The following USP20 variants were observed in gnomAD, a reference collection of about 807,000 sequenced individuals.
USP20 encodes the protein ubiquitin carboxyl-terminal hydrolase 20.
USP20 carries 80 observed loss-of-function variants against 124.2 expected under a neutral mutation model. That is an observed-to-expected ratio of 0.64 (90% confidence interval 0.54 to 0.78). The LOEUF (loss-of-function observed/expected upper bound fraction) is 0.78, where lower values mean the gene tolerates loss of function less well. Among genes scored for constraint, USP20 ranks in the 30% least tolerant of loss-of-function variants. The pLI, the probability that USP20 is intolerant of heterozygous loss-of-function variation, is 0.00. For missense variants in USP20, 1,043 were observed against 1,244.4 expected, an observed-to-expected ratio of 0.84 and a Z score of 2.44; for synonymous variants, 481 against 512.3, an observed-to-expected ratio of 0.94 and a Z score of 0.83.
intron 15 of USP20, among the ~76,000 whole-genome samples, chr9:129,871,922 G>T (rs539536511): frequency 1.3e-4 from 20 of 152,070 alleles, no homozygotes; most frequent in Non-Finnish European, 2.4e-4. Flanking sequence ...CACCATGTTG[G>T]CCAGGCTGGT....
In USP20 at chr9:129,839,083, G is replaced by C. The variant is rs927955417; in HGVS notation, c.-129+3584G>C. Reference sequence around the variant, plus strand: ...TCGTCCCCATGCCAGGCTGGCCGGGGCTGTTTGTGACATCGTGGAGCTGAG... The same window carrying C: ...TCGTCCCCATGCCAGGCTGGCCGGGCCTGTTTGTGACATCGTGGAGCTGAG... On this transcript the variant is annotated intron_variant, in intron 1 of 25. Transcript: ENST00000372429. This position sits in a 1 kb window ranked among gnomAD's most constrained non-coding sequence, Gnocchi z 4.5. Among the ~76,000 whole-genome samples, 2 of 152,192 alleles carry C rather than the reference G, an allele frequency of 1.3e-5. No individual in the cohort carries two copies. The highest frequency in any genetic ancestry group is 4.8e-5 in the African/African-American group (2 of 41,442).
intron 1 of USP20, among the ~76,000 whole-genome samples, chr9:129,840,086 G>A (rs566456056): frequency 1.3e-5 from 2 of 152,000 alleles, no homozygotes; most frequent in East Asian, 1.9e-4. Context: ...CTGGTGGGCC[G>A]GGAGGGCGGG....
chr9:129,865,614 G>C (rs1047584711), intron 10 of USP20, among the ~76,000 whole-genome samples: 1 of 152,184 alleles, frequency 6.6e-6, no homozygotes, highest in Non-Finnish European at 1.5e-5. Flanking sequence ...TTCAGGGGCC[G>C]AGCCACTTGC....
rs1308424552 is a variant in USP20, at chr9:129,858,234, G to A, written c.198+122G>A. ...CAATAAATGGTGTCATCCTAGCATA[G>A]CTTCTGCAAAGAAGCAAGAGAGAAT... On this transcript the variant is annotated intron_variant, in intron 5 of 25. Transcript: ENST00000372429. 1.2e-5 allele frequency: 15 copies of A among 1,204,704 alleles called. No individual in the cohort carries two copies. The South Asian group carries it at 1.7e-4, about 14-fold the overall frequency. The allele number at this position is 1,204,704 out of a possible 1,614,324, so 74.6% of individuals were successfully genotyped here.
chr9:129,873,865 G>T, intron 17 of USP20, 121 bp downstream of exon 17: 1 of 1,246,636 alleles, frequency 8.0e-7, no homozygotes, highest in African/African-American at 1.5e-5. Flanking sequence ...GGGCCGTGGA[G>T]ACTCCATAGC....
chr9:129,880,249 C>T lies in USP20; in HGVS notation c.2721C>T (p.Ile907=), dbSNP rs61999273. 2,334 of 1,609,148 alleles carry T rather than the reference C, an allele frequency of 1.5e-3. 29 individuals carry two copies. The African/African-American group carries it at 0.027, about 19-fold the overall frequency. ...AGAACCTGCACGGGGAGCAGAAGATCGAAGCCGAGACGCGGGCCGTGTGAT... is the reference window on the plus strand; with the variant it reads ...AGAACCTGCACGGGGAGCAGAAGATTGAAGCCGAGACGCGGGCCGTGTGAT... ...GPENLHGEQK[I]EAETRAV is the part of the protein sequence containing the mutation. The change falls in exon 25 of 26, where the codon ATC becomes ATT. Residue 907 remains isoleucine, a synonymous_variant. Transcript: ENST00000372429.
intron 15 of USP20, among the ~76,000 whole-genome samples, chr9:129,873,248 T>G (rs112827210): frequency 0.016 from 2,471 of 151,972 alleles, 27 homozygotes; most frequent in Non-Finnish European, 0.026. Flanking sequence ...CACGTCCAGC[T>G]AATTTTTGTA....
chr9:129,869,551 C>A, intron 13 of USP20, 121 bp from the exon 14 acceptor site: 1 of 1,527,350 alleles, frequency 6.5e-7, no homozygotes, highest in South Asian at 1.2e-5. Context: ...GAGGGCCCTG[C>A]CTGCGTGGAT....
intron 6 of USP20, among the ~76,000 whole-genome samples, chr9:129,860,059 G>A (rs770853926): frequency 3.3e-5 from 5 of 151,514 alleles, no homozygotes; most frequent in Admixed American, 6.6e-5. Flanking sequence ...GCCCAGGCGC[G>A]GTGGCTCATT....
chr9:129,851,421 C>G (rs148565305), intron 2 of USP20, among the ~76,000 whole-genome samples: 6 of 152,182 alleles, frequency 3.9e-5, no homozygotes, highest in Non-Finnish European at 8.8e-5. Context: ...AGCATCCCAG[C>G]TAATAATACA....
rs904357289 is a variant in USP20, at chr9:129,849,857, G to C, written c.-84G>C. ...CACTCACTCCAGACCCCTATAGCCC[G>C]TCGCTGTCAGCTGTCAACAAAGGAT... is the stretch of plus-strand genomic sequence containing the variant. On this transcript the variant is annotated 5_prime_UTR_variant, in exon 2 of 26. Coordinates refer to ENST00000372429, the MANE Select transcript of USP20 (RefSeq NM_001110303.4). 1 of 152,236 alleles carries C rather than the reference G, an allele frequency of 6.6e-6. No individual in the cohort carries two copies. Among genetic ancestry groups the C allele is most frequent in the Admixed American group, 6.5e-5 (1 of 15,280 alleles). The allele number at this position is 152,236 out of a possible 1,614,324, so 9.4% of individuals were successfully genotyped here. A position where few individuals can be genotyped will look rare whatever the true frequency, so the allele number is the denominator to read the frequency against.
chr9:129,844,120 A>G (rs1165118816), intron 1 of USP20, among the ~76,000 whole-genome samples: 2 of 152,150 alleles, frequency 1.3e-5, no homozygotes, highest in Non-Finnish European at 2.9e-5. Context: ...CTTCTTTATA[A>G]TGGCAAAACA....
intron 10 of USP20, among the ~76,000 whole-genome samples, chr9:129,867,084 TG>T (rs956101289): frequency 2.0e-5 from 3 of 152,184 alleles, no homozygotes; most frequent in African/African-American, 7.2e-5. Flanking sequence ...GATCAGAGCC[TG>T]GGCTGAGGGC....
intron 3 of USP20, among the ~76,000 whole-genome samples, chr9:129,855,079 AG>A (rs2033141785): frequency 6.6e-6 from 1 of 152,144 alleles, no homozygotes; most frequent in South Asian, 2.1e-4. Flanking sequence ...CATCAGTGAA[AG>A]GGGGATGTTG....
In USP20 at chr9:129,839,994, G is replaced by A. The variant is rs896848504; in HGVS notation, c.-129+4495G>A. On this transcript the variant is annotated intron_variant, in intron 1 of 25. Coordinates refer to ENST00000372429, the MANE Select transcript of USP20 (RefSeq NM_001110303.4). The surrounding 1 kb of genome is among the most constrained non-coding windows in gnomAD (Gnocchi z 4.5). ...TGAAGCATCTTGGAGGTCTCCTGGG[G>A]CCAGCAATGGTGGGCTCTTTGCCAA... Among the ~76,000 whole-genome samples, 1 of 152,120 alleles carries A rather than the reference G, an allele frequency of 6.6e-6. No homozygotes were observed. Among genetic ancestry groups the A allele is most frequent in the Non-Finnish European group, 1.5e-5 (1 of 68,018 alleles).
At chr9:129,846,244 TA>T (rs1409918337) in intron 1 of USP20, among the ~76,000 whole-genome samples, 408 of 36,860 alleles carry the variant, frequency 0.011, 2 homozygotes, top group African/African-American at 0.012. Context: ...TATATATATA[TA>T]TATTTTTTTT....
At position 129,844,701 on chromosome 9, in the gene USP20, A is replaced by AT. The variant is rs796936814; in HGVS notation, c.-128-5104dup. On this transcript the variant is annotated intron_variant, in intron 1 of 25. Coordinates refer to ENST00000372429, the MANE Select transcript of USP20 (RefSeq NM_001110303.4). ...TTACCAAAACCAAAAAGGTAACCAT[A>AT]TTTTTTTTCCTGTACAGCAGGATTA... Among the ~76,000 whole-genome samples, 349 of 150,784 alleles carry AT rather than the reference A, an allele frequency of 2.3e-3. 1 individual carries two copies. Among genetic ancestry groups the AT allele is most frequent in the African/African-American group, 8.1e-3 (335 of 41,128 alleles).
intron 7 of USP20, 101 bp downstream of exon 7, chr9:129,861,134 T>C: frequency 9.1e-7 from 1 of 1,103,118 alleles, no homozygotes; most frequent in Non-Finnish European, 1.4e-6. Context: ...GCACCTGCTA[T>C]ATGGGCAAGG....
chr9:129,869,180 T>C, intron 12 of USP20, 130 bp from the exon 13 acceptor site: 1 of 1,314,934 alleles, frequency 7.6e-7, no homozygotes, highest in South Asian at 1.3e-5. Flanking sequence ...AGGCATGAGA[T>C]GGTGAATTGC....
Sources: gnomAD v4.1 joint callset for allele counts (sites outside exome capture counted in the v4.1 genomes callset) on GRCh38, gnomAD v4.1.1 for gene constraint, Gnocchi (gnomAD v3.1) non-coding constraint, MANE v1.5 for transcripts, NCBI Gene and HGNC (gene_info 2026-07-23, HGNC 2026-07-21) for gene names.